The following AGBL4 variants were observed in gnomAD, a reference collection of about 807,000 sequenced individuals.
AGBL4 encodes the protein cytosolic carboxypeptidase 6.
Under a neutral mutation model 66.4 loss-of-function variants are expected in AGBL4, and 58 were observed. The ratio of observed to expected loss-of-function variants is 0.87; its 90% CI spans 0.71 to 1.09. The LOEUF (loss-of-function observed/expected upper bound fraction) is 1.09, where lower values mean the gene tolerates loss of function less well. AGBL4 is among the 50% of genes least tolerant of loss of function. AGBL4 has a pLI of 0.00. For missense variants in AGBL4, 579 were observed against 631.0 expected (o/e 0.92, Z 0.88); for synonymous variants, 234 against 222.9 (o/e 1.05, Z -0.44).
intron 2 of AGBL4, among the ~76,000 whole-genome samples, chr1:49,831,879 T>A (rs747667706): frequency 1.4e-4 from 21 of 152,234 alleles, no homozygotes; most frequent in Non-Finnish European, 3.1e-4. Flanking sequence ...GTGGCTGTTG[T>A]CATTGGTTCT....
At chr1:48,734,213 G>C (rs535847600) in intron 6 of AGBL4, among the ~76,000 whole-genome samples, 44 of 152,344 alleles carry the variant, frequency 2.9e-4, no homozygotes, top group African/African-American at 8.4e-4. Flanking sequence ...AGGCAAGGGA[G>C]GCAGCTATGT....
intron 3 of AGBL4, among the ~76,000 whole-genome samples, chr1:49,432,002 T>C (rs1645798881): frequency 6.6e-6 from 1 of 152,150 alleles, no homozygotes; most frequent in Non-Finnish European, 1.5e-5. Flanking sequence ...TCCTAGGCCT[T>C]TCCTGGGCCT....
intron 12 of AGBL4, 39 bp from the exon 13 acceptor site, chr1:48,534,955 A>C (rs1397460913): frequency 3.2e-6 from 5 of 1,540,412 alleles, no homozygotes; most frequent in Non-Finnish European, 3.5e-6. Flanking sequence ...CCTGCCTCTT[A>C]GGCTCTAGTA....
chr1:49,764,575 G>T (rs1430199975), intron 2 of AGBL4, among the ~76,000 whole-genome samples: 1 of 152,048 alleles, frequency 6.6e-6, no homozygotes, highest in Non-Finnish European at 1.5e-5. Context: ...GGACGTCTAG[G>T]GGCCTGGGAA....
intron 1 of AGBL4, among the ~76,000 whole-genome samples, chr1:49,874,514 G>C (rs373139156): frequency 1.3e-5 from 2 of 152,014 alleles, no homozygotes; most frequent in Non-Finnish European, 2.9e-5. Context: ...ATAATCCATT[G>C]TAATGTCATA....
At chr1:49,700,354 T>C (rs1647067792) in intron 2 of AGBL4, among the ~76,000 whole-genome samples, 1 of 150,058 alleles carries the variant, frequency 6.7e-6, no homozygotes, top group Admixed American at 6.7e-5. Context: ...CAGATAGATC[T>C]TTAAAGTATG....
intron 5 of AGBL4, among the ~76,000 whole-genome samples, chr1:48,924,299 A>T (rs1654339804): frequency 6.6e-6 from 1 of 151,464 alleles, no homozygotes; most frequent in Admixed American, 6.6e-5. Context: ...TAAATAAATA[A>T]ATAAATAAAT....
chr1:49,008,830 G>A (rs954226666), intron 5 of AGBL4, among the ~76,000 whole-genome samples: 11 of 151,692 alleles, frequency 7.3e-5, no homozygotes, highest in Admixed American at 2.0e-4. Context: ...TGAAACCAAC[G>A]AGAACAAAGA....
chr1:49,358,918 C>T (rs1018421835), intron 3 of AGBL4, among the ~76,000 whole-genome samples: 2 of 152,168 alleles, frequency 1.3e-5, no homozygotes, highest in Non-Finnish European at 2.9e-5. Context: ...ATGGGTCTTA[C>T]ATTTATAATA....
rs554048446 is a variant in AGBL4, at chr1:49,397,867, T to TA, written c.283-152004dup. Among the ~76,000 whole-genome samples, 51 of 152,316 alleles carry TA rather than the reference T, an allele frequency of 3.3e-4. 1 individual carries two copies. The South Asian group carries it at 9.7e-3, about 29-fold the overall frequency. ...AGCTTATTATGTGTCAAAAACAAGC[T>TA]AGGTATATGGATAAAGTGAATAGAT... On this transcript the variant is annotated intron_variant, in intron 3 of 13. Coordinates refer to ENST00000371839, the MANE Select transcript of AGBL4 (RefSeq NM_032785.4).
At chr1:50,020,588 G>T (rs533304712) in intron 1 of AGBL4, among the ~76,000 whole-genome samples, 1 of 152,262 alleles carries the variant, frequency 6.6e-6, no homozygotes, top group Non-Finnish European at 1.5e-5. Flanking sequence ...TCATGGCTAT[G>T]ATTTCTTCAG....
intron 5 of AGBL4, among the ~76,000 whole-genome samples, chr1:48,938,289 G>T (rs1012349128): frequency 6.6e-6 from 1 of 152,172 alleles, no homozygotes; most frequent in African/African-American, 2.4e-5. Flanking sequence ...TCTGTGCTAT[G>T]CTGTGCACCT....
intron 3 of AGBL4, among the ~76,000 whole-genome samples, chr1:49,568,634 T>C (rs1644265619): frequency 6.6e-6 from 1 of 151,982 alleles, no homozygotes. Context: ...ATGTTCTTCA[T>C]AGAACTAAAA....
chr1:48,999,174 T>C (rs560860042), intron 5 of AGBL4, among the ~76,000 whole-genome samples: 1 of 152,218 alleles, frequency 6.6e-6, no homozygotes, highest in Non-Finnish European at 1.5e-5. Context: ...TTGAACTATA[T>C]GACCCTTAAG....
chr1:49,421,967 T>C (rs965729987), intron 3 of AGBL4, among the ~76,000 whole-genome samples: 1 of 152,160 alleles, frequency 6.6e-6, no homozygotes, highest in African/African-American at 2.4e-5. Context: ...TTAAAAATGG[T>C]CCAAGAAATG....
intron 2 of AGBL4, among the ~76,000 whole-genome samples, chr1:49,713,680 A>C (rs189717865): frequency 6.6e-6 from 1 of 152,086 alleles, no homozygotes; most frequent in South Asian, 2.1e-4. Context: ...TCAATAAAAG[A>C]CTTTCAAGCA....
intron 3 of AGBL4, among the ~76,000 whole-genome samples, chr1:49,523,018 C>G (rs1009591583): frequency 6.6e-6 from 1 of 151,992 alleles, no homozygotes; most frequent in African/African-American, 2.4e-5. Flanking sequence ...GAGGAGGTCA[C>G]AGCACAGGAC....
chr1:48,991,609 A>C (rs970510376), intron 5 of AGBL4, among the ~76,000 whole-genome samples: 2 of 152,148 alleles, frequency 1.3e-5, no homozygotes, highest in African/African-American at 4.8e-5. Flanking sequence ...AGTAAGTCTT[A>C]GAATTGCCCC....
intron 5 of AGBL4, among the ~76,000 whole-genome samples, chr1:49,041,112 C>T (rs1643930175): frequency 6.6e-6 from 1 of 152,052 alleles, no homozygotes; most frequent in African/African-American, 2.4e-5. Flanking sequence ...CCAGTAACAA[C>T]TATGGCCATA....
Sources: allele counts gnomAD v4.1 joint callset (sites outside exome capture counted in the v4.1 genomes callset), GRCh38; gene constraint gnomAD v4.1.1; transcripts MANE v1.5; gene names NCBI Gene and HGNC (gene_info 2026-07-23, HGNC 2026-07-21).